Variants in PSD3 observed in about 807,000 individuals in gnomAD.
PSD3 encodes the protein pleckstrin and Sec7 domain containing 3.
In PSD3, 49 loss-of-function variants were observed where a neutral mutation model predicts 105.5. The observed-to-expected ratio is 0.46, with a 90% confidence interval of 0.37 to 0.59. The LOEUF (loss-of-function observed/expected upper bound fraction) is 0.59, where lower values mean the gene tolerates loss of function less well. Ranked by LOEUF, PSD3 falls within the 20% of genes least tolerant of loss-of-function variation. The pLI, the probability that PSD3 is intolerant of heterozygous loss-of-function variation, is 0.00. For synonymous variants in PSD3, 557 were observed against 457.8 expected (o/e 1.22, Z -2.77); for missense variants, 1,561 against 1,263.8 (o/e 1.24, Z -3.57).
intron 2 of PSD3, among the ~76,000 whole-genome samples, chr8:18,893,577 C>A (rs1453097978): frequency 6.6e-6 from 1 of 152,062 alleles, no homozygotes; most frequent in Non-Finnish European, 1.5e-5. Context: ...ATGTATCATT[C>A]CACCTCTCTG....
At chr8:18,760,296 TCAAA>T (rs1474472425) in intron 9 of PSD3, among the ~76,000 whole-genome samples, 2 of 152,150 alleles carry the variant, frequency 1.3e-5, no homozygotes, top group African/African-American at 2.4e-5. Flanking sequence ...CTAGTATTTT[TCAAA>T]CAAACAATAT....
In PSD3 at chr8:18,904,596, T is replaced by C. The variant is rs185181576; in HGVS notation, c.130+31438A>G. 3.5e-3 allele frequency among the ~76,000 whole-genome samples: 528 copies of C among 152,350 alleles called. 3 individuals are homozygous for C. The highest frequency in any genetic ancestry group is 6.8e-3 in the Middle Eastern group (2 of 294). On this transcript the variant is annotated intron_variant, in intron 2 of 15. Transcript: ENST00000327040. Reference sequence around the variant, plus strand: ...GAAATGGTAATGTGTACCCAATACCTGTACTACCATTGTATCTTGGAAGTA... The same window carrying C: ...GAAATGGTAATGTGTACCCAATACCCGTACTACCATTGTATCTTGGAAGTA...
chr8:19,017,799 A>G (rs563705070), upstream of PSD3, among the ~76,000 whole-genome samples: 1 of 152,314 alleles, frequency 6.6e-6, no homozygotes, highest in East Asian at 1.9e-4. Flanking sequence ...TTATTGATCC[A>G]TTTATGAGTT....
chr8:18,687,581 G>A (rs1036215168), intron 9 of PSD3, among the ~76,000 whole-genome samples: 7 of 150,718 alleles, frequency 4.6e-5, no homozygotes, highest in Non-Finnish European at 8.8e-5. Context: ...TTTCCTTCCC[G>A]TACCATTTTC....
intron 1 of PSD3, among the ~76,000 whole-genome samples, chr8:18,938,730 A>G (rs1477969637): frequency 6.6e-6 from 1 of 152,172 alleles, no homozygotes; most frequent in Non-Finnish European, 1.5e-5. Context: ...AATACATGGA[A>G]TATCTCATTT....
intron 12 of PSD3, among the ~76,000 whole-genome samples, chr8:18,581,394 ACT>A (rs143241757): frequency 0.036 from 5,522 of 152,256 alleles, 136 homozygotes; most frequent in Non-Finnish European, 0.049. Context: ...CACTGCAAGT[ACT>A]AGAAAAAACA....
chr8:18,696,589 C>T (rs980710245), intron 9 of PSD3, among the ~76,000 whole-genome samples: 5 of 152,138 alleles, frequency 3.3e-5, no homozygotes, highest in Admixed American at 1.3e-4. Flanking sequence ...TCAGATATTA[C>T]TAATTGCATT....
At chr8:19,066,570 C>A (rs1829081919) in intron 1 of PSD3, among the ~76,000 whole-genome samples, 1 of 152,218 alleles carries the variant, frequency 6.6e-6, no homozygotes, top group Admixed American at 6.5e-5. Flanking sequence ...ACTCATCCAA[C>A]TTCTCTTCTA....
At chr8:18,854,049 C>T (rs150401676) in intron 4 of PSD3, 3 of 152,268 alleles carry the variant, frequency 2.0e-5, no homozygotes, top group African/African-American at 7.2e-5. Flanking sequence ...TATACATAAT[C>T]CAGCACTGCC....
chr8:18,591,432 T>A (rs568207129), intron 12 of PSD3, among the ~76,000 whole-genome samples: 2 of 152,114 alleles, frequency 1.3e-5, no homozygotes, highest in African/African-American at 4.8e-5. Context: ...CACAGCTTGA[T>A]GCAATTGGGA....
chr8:18,765,683 T>G (rs1369505171), intron 8 of PSD3, 145 bp from the exon 9 acceptor site: 3 of 689,880 alleles, frequency 4.3e-6, no homozygotes, highest in Admixed American at 4.3e-5. Context: ...CTTCCACACT[T>G]TGGGAGGCCG....
intron 9 of PSD3, among the ~76,000 whole-genome samples, chr8:18,696,023 C>T (rs770337853): frequency 2.0e-5 from 3 of 152,292 alleles, no homozygotes; most frequent in Admixed American, 6.5e-5. Context: ...GCACATCCAG[C>T]GTCACCTGGC....
At chr8:18,653,919 C>A (rs1213419441) in intron 10 of PSD3, among the ~76,000 whole-genome samples, 1 of 152,142 alleles carries the variant, frequency 6.6e-6, no homozygotes, top group Non-Finnish European at 1.5e-5. Flanking sequence ...ACTACATATT[C>A]TGCATATGTC....
intron 1 of PSD3, among the ~76,000 whole-genome samples, chr8:19,084,036 A>G (rs958094769): frequency 6.6e-6 from 1 of 152,238 alleles, no homozygotes; most frequent in Non-Finnish European, 1.5e-5. Flanking sequence ...GGCAGAGGAC[A>G]GAGCAAATGC....
At chr8:18,716,288 C>T (rs906160294) in intron 9 of PSD3, among the ~76,000 whole-genome samples, 10 of 152,296 alleles carry the variant, frequency 6.6e-5, no homozygotes, top group East Asian at 1.9e-4. Context: ...GTGTGTCTGA[C>T]GGTGGCATCA....
chr8:18,543,342 C>T (rs1462356777), intron 15 of PSD3, among the ~76,000 whole-genome samples: 6 of 152,002 alleles, frequency 3.9e-5, no homozygotes, highest in African/African-American at 7.2e-5. Context: ...TGGCCAGGCG[C>T]GGTGACTCAC....
At chr8:18,857,901 G>A (rs548919569) in intron 4 of PSD3, among the ~76,000 whole-genome samples, 24 of 152,260 alleles carry the variant, frequency 1.6e-4, no homozygotes, top group Non-Finnish European at 2.8e-4. Context: ...CCTGCAAATA[G>A]AGCGTCAGGC....
At chr8:18,883,906 T>A (rs1192877059) in intron 2 of PSD3, among the ~76,000 whole-genome samples, 4 of 152,336 alleles carry the variant, frequency 2.6e-5, no homozygotes, top group African/African-American at 7.2e-5. Flanking sequence ...TGCAATAACA[T>A]CTTTGGTGTT....
At chr8:19,027,223 AAAAAAG>A (rs758177206) in intron 1 of PSD3, among the ~76,000 whole-genome samples, 17 of 152,252 alleles carry the variant, frequency 1.1e-4, no homozygotes, top group East Asian at 5.8e-4. Flanking sequence ...GGAAAAAAAC[AAAAAAG>A]AAAAAGAAAA....
Sources: allele counts gnomAD v4.1 joint callset (sites outside exome capture counted in the v4.1 genomes callset), GRCh38; gene constraint gnomAD v4.1.1; transcripts MANE v1.5; gene names NCBI Gene and HGNC (gene_info 2026-07-23, HGNC 2026-07-21).